Variants in ACTR5 observed in about 807,000 individuals in gnomAD.
The protein encoded by ACTR5 is actin related protein 5.
ACTR5 carries 43 observed loss-of-function variants against 61.2 expected under a neutral mutation model. The ratio of observed to expected loss-of-function variants is 0.70; its 90% CI spans 0.55 to 0.91. ACTR5 has a LOEUF of 0.91. ACTR5 is among the 40% of genes least tolerant of loss of function. The pLI is 0.00. For missense variants in ACTR5, 798 were observed against 782.2 expected (o/e 1.02, Z -0.24); for synonymous variants, 333 against 310.5 (o/e 1.07, Z -0.76).
intron 4 of ACTR5, 35 bp downstream of exon 4, chr20:38,755,209 G>A: frequency 6.5e-7 from 1 of 1,527,104 alleles, no homozygotes; most frequent in Non-Finnish European, 8.8e-7. Flanking sequence ...GCCCTTCCGT[G>A]TTAACAAGAT....
intron 3 of ACTR5, 100 bp downstream of exon 3, chr20:38,752,400 ACCTCCTTCCCCTTTTTGTATT>A (rs1021282577): frequency 4.6e-6 from 6 of 1,308,884 alleles, no homozygotes; most frequent in South Asian, 3.3e-5. Context: ...CTTTTTAAGC[ACCTCCTTCCCCTTTTTGTATT>A]CCCTTTCTTA....
intron 1 of ACTR5, 76 bp from the exon 2 acceptor site, chr20:38,749,934 G>T (rs2084376243): frequency 2.3e-6 from 3 of 1,316,970 alleles, no homozygotes; most frequent in Non-Finnish European, 3.2e-6. Flanking sequence ...CCTGCAATAA[G>T]GATTTTGGGT....
intron 1 of ACTR5, 104 bp downstream of exon 1, chr20:38,748,957 C>T (rs1015814200): frequency 1.4e-6 from 2 of 1,395,318 alleles, no homozygotes; most frequent in Non-Finnish European, 1.9e-6. Context: ...TTCAGTAGCT[C>T]CGATTGTCTT....
chr20:38,755,106 A>G lies in ACTR5; in HGVS notation c.925A>G (p.Asn309Asp), dbSNP rs768302928. 6.2e-7 allele frequency: 1 copy of G among 1,614,054 alleles called. No homozygotes were observed. The highest frequency in any genetic ancestry group is 8.5e-7 in the Non-Finnish European group (1 of 1,180,022). Residue 309 changes from asparagine (N) to aspartate (D), a missense_variant, in exon 4 of 9, where the codon AAT becomes GAT. By Grantham distance (23) the Asn-to-Asp change is conservative. Coordinates refer to ENST00000243903, the MANE Select transcript of ACTR5 (RefSeq NM_024855.4). ...GCAATTGCGGCGGCTGCAGGAGCTC[A>G]ATGCCCGGCGGCGGGAGGAGAAGCT... ...QQQLRRLQEL[N>D]ARRREEKLQL...
intron 1 of ACTR5, among the ~76,000 whole-genome samples, 193 bp downstream of exon 1, chr20:38,749,046 G>A (rs1469998555): frequency 6.6e-6 from 1 of 152,088 alleles, no homozygotes; most frequent in Non-Finnish European, 1.5e-5. Flanking sequence ...CATACCTTTG[G>A]GCATATATGC....
At chr20:38,749,115 G>GCACTTACTCTGTGTAAGCTCTGTGTGA (rs1336142198) in intron 1 of ACTR5, among the ~76,000 whole-genome samples, 2 of 152,226 alleles carry the variant, frequency 1.3e-5, no homozygotes, top group African/African-American at 2.4e-5. Context: ...CTCTGTGTCA[G>GCACTTACTCTGTGTAAGCTCTGTGTGA]GCACTTTTTA....
At chr20:38,754,150 T>C (rs1034493063) in intron 3 of ACTR5, among the ~76,000 whole-genome samples, 1 of 152,224 alleles carries the variant, frequency 6.6e-6, no homozygotes, top group Non-Finnish European at 1.5e-5. Flanking sequence ...AGTTGTCAAA[T>C]AGGTTTTAAA....
chr20:38,748,996 G>A, intron 1 of ACTR5, 143 bp downstream of exon 1: 1 of 1,042,934 alleles, frequency 9.6e-7, no homozygotes, highest in Non-Finnish European at 1.4e-6. Flanking sequence ...GGCGCTGTGG[G>A]TGTAGCAGCG....
intron 5 of ACTR5, among the ~76,000 whole-genome samples, chr20:38,763,154 C>T (rs1601201328): frequency 6.6e-6 from 1 of 152,212 alleles, no homozygotes; most frequent in Non-Finnish European, 1.5e-5. Flanking sequence ...GCCTGACCAC[C>T]TTCTGTTATG....
At position 38,766,382 on chromosome 20, in the gene ACTR5, G is replaced by A; in HGVS notation, c.1433+5G>A. On this transcript the variant is annotated splice_donor_5th_base_variant and intron_variant, in intron 7 of 8. Transcript: ENST00000243903. ...TCTTCAGTACATTCTGGACAGGTGA[G>A]ACAGCGAATCTGCTTTTCCTTCTAT... 1 of 1,573,594 alleles carries A rather than the reference G, an allele frequency of 6.4e-7. No homozygotes were observed. Among genetic ancestry groups the A allele is most frequent in the Non-Finnish European group, 8.6e-7 (1 of 1,162,960 alleles).
intron 5 of ACTR5, among the ~76,000 whole-genome samples, 160 bp from the exon 6 acceptor site, chr20:38,765,242 A>G (rs765078629): frequency 1.3e-5 from 2 of 152,216 alleles, no homozygotes; most frequent in African/African-American, 2.4e-5. Flanking sequence ...CTTCGTGTTC[A>G]TGTGTGCTTT....
chr20:38,770,101 C>T (rs866596333), intron 8 of ACTR5, among the ~76,000 whole-genome samples: 1 of 152,112 alleles, frequency 6.6e-6, no homozygotes, highest in Non-Finnish European at 1.5e-5. Context: ...CCTGGCCTAG[C>T]CTCAGCTCCC....
In ACTR5 at chr20:38,752,153, C is replaced by T. The variant is rs754719622; in HGVS notation, c.628C>T (p.Arg210Cys). 23 of 1,613,526 alleles carry T rather than the reference C, an allele frequency of 1.4e-5. No homozygotes were observed. The East Asian group carries it at 1.8e-4, about 13-fold the overall frequency. The change falls in exon 3 of 9, where the codon CGC (arginine) becomes TGC (cysteine). Residue 210 changes from arginine to cysteine, a missense_variant. Coordinates refer to ENST00000243903, the MANE Select transcript of ACTR5 (RefSeq NM_024855.4). ...TAGATTAGATGCTAAAAACTGCAAG[C>T]GCATCAATCTTGGAGGAAGCCAAGC... ...EGRLDAKNCK[R>C]INLGGSQAAG...
rs1361583117 is a variant in ACTR5 at position 38,767,439 on chromosome 20, A to G, written c.1434-25A>G. 4.3e-6 allele frequency: 7 copies of G among 1,611,226 alleles called. No homozygotes were observed. The South Asian group carries it at 6.6e-5, about 15-fold the overall frequency. On this transcript the variant is annotated intron_variant, in intron 7 of 8. Transcript: ENST00000243903. ...GTTCTGATATTTGAGTTAAGGGACT[A>G]TATTAGGAGTTGTTTCTTTCCTAGG...
At chr20:38,755,588 T>TCC (rs1324803815) in intron 4 of ACTR5, among the ~76,000 whole-genome samples, 4 of 135,274 alleles carry the variant, frequency 3.0e-5, no homozygotes, top group African/African-American at 8.3e-5. Context: ...TTCCTTCACA[T>TCC]CCCCCGCCCC....
chr20:38,764,762 C>T (rs556490880), intron 5 of ACTR5, among the ~76,000 whole-genome samples: 12 of 152,312 alleles, frequency 7.9e-5, no homozygotes, highest in African/African-American at 2.9e-4. Flanking sequence ...CCTCAACCTC[C>T]CAGGCTCAAG....
Position 38,750,125 on chromosome 20 carries a change from G to A in ACTR5, c.491G>A (p.Gly164Glu). ...ECYGIPKVAYGIDSLFSFYHN... is the reference protein window; with the variant it reads ...ECYGIPKVAYEIDSLFSFYHN... ...TACGGGATTCCCAAGGTTGCCTATGGAATAGACAGCCTCTTCAGCTTCTAC... is the reference window on the plus strand; with the variant it reads ...TACGGGATTCCCAAGGTTGCCTATGAAATAGACAGCCTCTTCAGCTTCTAC... Residue 164 changes from glycine to glutamate, a missense_variant, in exon 2 of 9, where the codon GGA becomes GAA. Gly to Glu is a moderately conservative substitution (Grantham distance 98, BLOSUM62 -2). Transcript: ENST00000243903. The A allele has an allele frequency of 1.2e-6, 2 of 1,614,134 alleles. No homozygotes were observed. Among genetic ancestry groups the A allele is most frequent in the Non-Finnish European group, 1.7e-6 (2 of 1,180,008 alleles).
chr20:38,754,322 G>GT (rs894630638), intron 3 of ACTR5, among the ~76,000 whole-genome samples: 4 of 152,126 alleles, frequency 2.6e-5, no homozygotes, highest in Non-Finnish European at 5.9e-5. Flanking sequence ...TTATGTCCAG[G>GT]TTTGGTAGCT....
intron 5 of ACTR5, among the ~76,000 whole-genome samples, chr20:38,759,683 G>A (rs985300045): frequency 6.6e-6 from 1 of 152,128 alleles, no homozygotes; most frequent in Non-Finnish European, 1.5e-5. Flanking sequence ...AGTGACAGGT[G>A]CAGTATACCA....
Sources: allele counts gnomAD v4.1 joint callset (sites outside exome capture counted in the v4.1 genomes callset), GRCh38; gene constraint gnomAD v4.1.1; transcripts MANE v1.5; gene names NCBI Gene and HGNC (gene_info 2026-07-23, HGNC 2026-07-21).